CACNB4: variants seen among roughly 807,000 people sequenced by gnomAD.
CACNB4 encodes the protein calcium voltage-gated channel auxiliary subunit beta 4.
CACNB4 carries 32 observed loss-of-function variants against 71.2 expected under a neutral mutation model. That is an observed-to-expected ratio of 0.45 (90% CI 0.34 to 0.60). The LOEUF is 0.60. Ranked by LOEUF, CACNB4 falls within the 20% of genes least tolerant of loss-of-function variation. The pLI, the probability that CACNB4 is intolerant of heterozygous loss-of-function variation, is 0.01. For synonymous variants in CACNB4, 231 were observed against 236.9 expected (o/e 0.97, Z 0.23); for missense variants, 464 against 647.9 (o/e 0.72, Z 3.08).
At chr2:152,070,006 C>T (rs191477187) in intron 2 of CACNB4, among the ~76,000 whole-genome samples, 107 of 152,018 alleles carry the variant, frequency 7.0e-4, no homozygotes, top group African/African-American at 2.4e-3. Context: ...CTACGCCTGG[C>T]TAATTTTTTT....
chr2:152,042,355 G>A (rs1414391956), intron 2 of CACNB4, among the ~76,000 whole-genome samples: 1 of 152,008 alleles, frequency 6.6e-6, no homozygotes, highest in Non-Finnish European at 1.5e-5. Flanking sequence ...CTTATATGTC[G>A]TAGCTTGCCA....
At chr2:152,022,769 C>G (rs1012068375) in intron 2 of CACNB4, among the ~76,000 whole-genome samples, 3 of 152,118 alleles carry the variant, frequency 2.0e-5, no homozygotes, top group African/African-American at 7.2e-5. Flanking sequence ...CTACTGGGAT[C>G]CACAGCACCC....
At chr2:151,943,265 T>A (rs1033092227) in intron 2 of CACNB4, among the ~76,000 whole-genome samples, 1 of 152,196 alleles carries the variant, frequency 6.6e-6, no homozygotes, top group Non-Finnish European at 1.5e-5. Context: ...AGAACCTACG[T>A]TGAAATATTG....
chr2:151,943,176 G>A (rs779052734), intron 2 of CACNB4, among the ~76,000 whole-genome samples: 3 of 152,138 alleles, frequency 2.0e-5, no homozygotes, highest in East Asian at 1.9e-4. Context: ...TGTCACCTCC[G>A]GCGGCCCAGC....
intron 2 of CACNB4, among the ~76,000 whole-genome samples, chr2:151,905,600 T>C (rs2099854594): frequency 6.6e-6 from 1 of 152,234 alleles, no homozygotes; most frequent in Non-Finnish European, 1.5e-5. Flanking sequence ...GGGATCAGGT[T>C]CCGTTTATTT....
chr2:151,885,067 G>T (rs1241007382), intron 2 of CACNB4, among the ~76,000 whole-genome samples: 2 of 152,208 alleles, frequency 1.3e-5, no homozygotes, highest in African/African-American at 2.4e-5. Context: ...TCTCAGTAGA[G>T]GCCATCATTC....
chr2:152,040,358 C>T (rs1385501295), intron 2 of CACNB4, among the ~76,000 whole-genome samples: 2 of 151,974 alleles, frequency 1.3e-5, no homozygotes, highest in Non-Finnish European at 2.9e-5. Flanking sequence ...CATATAATGC[C>T]ATGTCTATTC....
intron 2 of CACNB4, among the ~76,000 whole-genome samples, chr2:152,079,069 C>T (rs1360263748): frequency 6.6e-6 from 1 of 151,816 alleles, no homozygotes; most frequent in Admixed American, 6.6e-5. Flanking sequence ...CAAAATAAAC[C>T]TGTGTTGTGT....
intron 2 of CACNB4, among the ~76,000 whole-genome samples, chr2:152,058,702 G>A (rs1685851190): frequency 6.6e-6 from 1 of 152,234 alleles, no homozygotes; most frequent in Non-Finnish European, 1.5e-5. Flanking sequence ...CATTTTCTGG[G>A]GAGAAATTCA....
At chr2:151,927,434 G>GGAAA (rs780992031) in intron 2 of CACNB4, among the ~76,000 whole-genome samples, 2 of 152,164 alleles carry the variant, frequency 1.3e-5, no homozygotes, top group Non-Finnish European at 2.9e-5. Flanking sequence ...AAGATGTGGT[G>GGAAA]GAAAGACCCT....
chr2:151,849,831 G>A (rs1463083131), intron 12 of CACNB4, among the ~76,000 whole-genome samples: 1 of 152,166 alleles, frequency 6.6e-6, no homozygotes, highest in Non-Finnish European at 1.5e-5. Flanking sequence ...CAGAGTAATA[G>A]ATAACCATAG....
chr2:151,928,643 G>A (rs184990875), intron 2 of CACNB4, among the ~76,000 whole-genome samples: 2 of 152,296 alleles, frequency 1.3e-5, no homozygotes. Flanking sequence ...AAACAAAAAG[G>A]CTGGGTGCAG....
chr2:152,018,664 G>C (rs191747876), intron 2 of CACNB4, among the ~76,000 whole-genome samples: 2 of 151,986 alleles, frequency 1.3e-5, no homozygotes, highest in Non-Finnish European at 2.9e-5. Context: ...TTATCTGAGC[G>C]TGGTGGCAAG....
intron 2 of CACNB4, among the ~76,000 whole-genome samples, chr2:151,986,605 C>T (rs1681383475): frequency 6.6e-6 from 1 of 152,144 alleles, no homozygotes; most frequent in African/African-American, 2.4e-5. Flanking sequence ...CTCATATAAC[C>T]TGGACTTAGG....
chr2:151,901,768 A>G (rs752992264), intron 2 of CACNB4, among the ~76,000 whole-genome samples: 3 of 152,206 alleles, frequency 2.0e-5, no homozygotes, highest in Non-Finnish European at 4.4e-5. Context: ...TGAGGCTTAT[A>G]TTGAGAATGA....
At chr2:152,099,068 C>G (rs886054971), upstream of CACNB4, 15 of 1,229,732 alleles carry the variant, frequency 1.2e-5, no homozygotes, top group Admixed American at 6.2e-5. Flanking sequence ...GGCTGGCCCC[C>G]GAGGCTGGGC....
chr2:151,899,215 C>G (rs2099852805), intron 2 of CACNB4, among the ~76,000 whole-genome samples: 1 of 152,192 alleles, frequency 6.6e-6, no homozygotes, highest in Non-Finnish European at 1.5e-5. Context: ...AATTCACACT[C>G]AGTACTTTAA....
chr2:152,083,248 A>G (rs116138464), intron 2 of CACNB4, among the ~76,000 whole-genome samples: 5,513 of 152,242 alleles, frequency 0.036, 324 homozygotes, highest in African/African-American at 0.13. Context: ...ACATGCACAC[A>G]AGCACGTGTA....
At chr2:152,034,928 C>A (rs922314164) in intron 2 of CACNB4, among the ~76,000 whole-genome samples, 3 of 152,158 alleles carry the variant, frequency 2.0e-5, no homozygotes, top group Non-Finnish European at 4.4e-5. Context: ...CCAAAGGAAT[C>A]GTGAGTGCAG....
Sources: gnomAD v4.1 joint callset for allele counts (sites outside exome capture counted in the v4.1 genomes callset) on GRCh38, gnomAD v4.1.1 for gene constraint, MANE v1.5 for transcripts, NCBI Gene and HGNC (gene_info 2026-07-23, HGNC 2026-07-21) for gene names.